Variants in RUFY2 observed in about 807,000 individuals in gnomAD.
RUFY2 encodes RUN and FYVE domain containing 2.
In RUFY2, 49 loss-of-function variants were observed where a neutral mutation model predicts 94.4. The ratio of observed to expected loss-of-function variants is 0.52; its 90% CI spans 0.41 to 0.66. RUFY2 has a LOEUF of 0.66. RUFY2 is among the 30% of genes least tolerant of loss of function. RUFY2 has a pLI of 0.00. For missense variants in RUFY2, 541 were observed against 692.8 expected (o/e 0.78, Z 2.46); for synonymous variants, 255 against 235.7 (o/e 1.08, Z -0.75).
rs931786110 is a variant in RUFY2, at chr10:68,343,987, A to G, written c.*1781T>C. 1 of 152,084 alleles carries G rather than the reference A, an allele frequency of 6.6e-6. No homozygotes were observed. Among genetic ancestry groups the G allele is most frequent in the Non-Finnish European group, 1.5e-5 (1 of 68,014 alleles). 9.4% of individuals were successfully genotyped at this position (152,084 alleles called of 1,614,324 possible). A position where few individuals can be genotyped will look rare whatever the true frequency, so the allele number is the denominator to read the frequency against. On this transcript the variant is annotated 3_prime_UTR_variant, in exon 18 of 18. Transcript: ENST00000602465. ...GTTCTAAGCACAGTAATAAAAAAGC[A>G]TATTTGAAAATTTCATTTTTTGTTT...
chr10:68,351,855 G>C (rs530909442), intron 16 of RUFY2, among the ~76,000 whole-genome samples: 6 of 151,394 alleles, frequency 4.0e-5, no homozygotes, highest in Non-Finnish European at 8.8e-5. Flanking sequence ...TCAGGAGTTC[G>C]AGACCAGCTT....
chr10:68,406,672 C>T, intron 1 of RUFY2: 2 of 1,312,140 alleles, frequency 1.5e-6, no homozygotes, highest in South Asian at 1.5e-5. Flanking sequence ...GAGCCCCTTC[C>T]CTGCCTCTCT....
intron 16 of RUFY2, chr10:68,346,534 A>T (rs974763084): frequency 6.5e-6 from 1 of 152,910 alleles, no homozygotes; most frequent in Non-Finnish European, 1.5e-5. Context: ...AGAACATATA[A>T]CATGTAAAAA....
chr10:68,392,630 C>T (rs1053453513), intron 7 of RUFY2, among the ~76,000 whole-genome samples: 2 of 151,748 alleles, frequency 1.3e-5, no homozygotes, highest in Non-Finnish European at 2.9e-5. Flanking sequence ...GTATTAAAAA[C>T]CTGACTCTCG....
intron 13 of RUFY2, among the ~76,000 whole-genome samples, chr10:68,367,865 G>C (rs1379489974): frequency 6.6e-6 from 1 of 151,746 alleles, no homozygotes; most frequent in East Asian, 1.9e-4. Flanking sequence ...CTCCTAAAGT[G>C]CTGGGATTAC....
At chr10:68,341,841 G>A, downstream of RUFY2, 1 of 1,610,354 alleles carries the variant, frequency 6.2e-7, no homozygotes, top group Non-Finnish European at 8.5e-7. Context: ...CTGATGGTTT[G>A]GGTGGTTATG....
intron 15 of RUFY2, among the ~76,000 whole-genome samples, chr10:68,356,751 G>A (rs887533908): frequency 1.3e-5 from 2 of 151,314 alleles, no homozygotes; most frequent in Non-Finnish European, 2.9e-5. Context: ...GTTTCACCAC[G>A]TTGGCCAGGC....
At chr10:68,363,449 G>A in intron 15 of RUFY2, 141 bp downstream of exon 15, 1 of 508,374 alleles carries the variant, frequency 2.0e-6, no homozygotes, top group Non-Finnish European at 3.4e-6. Flanking sequence ...CAAAGTGCGG[G>A]GATTACAGGC....
At chr10:68,385,269 A>C (rs963943898) in intron 8 of RUFY2, among the ~76,000 whole-genome samples, 5 of 150,714 alleles carry the variant, frequency 3.3e-5, no homozygotes, top group African/African-American at 9.8e-5. Context: ...ATCTCAAAAA[A>C]AAAAAAAATT....
chr10:68,355,277 T>C, intron 16 of RUFY2, 76 bp downstream of exon 16: 1 of 1,044,808 alleles, frequency 9.6e-7, no homozygotes, highest in South Asian at 1.3e-5. Flanking sequence ...TAATAATACA[T>C]TAGATTCACA....
At chr10:68,382,331 C>T (rs1021482621) in intron 10 of RUFY2, among the ~76,000 whole-genome samples, 1 of 151,564 alleles carries the variant, frequency 6.6e-6, no homozygotes, top group Non-Finnish European at 1.5e-5. Flanking sequence ...GCTGGGATTA[C>T]AGGCGTGAGC....
chr10:68,370,633 C>T (rs1199974475), intron 13 of RUFY2, among the ~76,000 whole-genome samples: 1 of 151,660 alleles, frequency 6.6e-6, no homozygotes, highest in East Asian at 1.9e-4. Context: ...GCCTGGCCGA[C>T]AGCAAGACCC....
chr10:68,369,576 T>TTAACAGGTTAATGGAC (rs1333467580), intron 13 of RUFY2, among the ~76,000 whole-genome samples: 1 of 151,570 alleles, frequency 6.6e-6, no homozygotes, highest in Non-Finnish European at 1.5e-5. Context: ...CATGAATGAA[T>TTAACAGGTTAATGGAC]TAACAGGTTA....
chr10:68,343,831 AAAGC>A lies in RUFY2; in HGVS notation c.*1933_*1936del, dbSNP rs1312068541. Reference sequence around the variant, plus strand: ...CCTAAAAAAAAAAAAAAAAAAAAAAAAAGCAAGTCAGTCAGTGTTGATACATGAG... The same window carrying A: ...CCTAAAAAAAAAAAAAAAAAAAAAAAAAGTCAGTCAGTGTTGATACATGAG... On this transcript the variant is annotated 3_prime_UTR_variant, in exon 18 of 18. Transcript: ENST00000602465. The A allele has an allele frequency of 6.2e-5, 9 of 144,560 alleles. No individual in the cohort carries two copies. The highest frequency in any genetic ancestry group is 4.2e-4 in the East Asian group (2 of 4,760). The allele number at this position is 144,560 out of a possible 1,614,324, so 9.0% of individuals were successfully genotyped here. A position where few individuals can be genotyped will look rare whatever the true frequency, so the allele number is the denominator to read the frequency against.
downstream of RUFY2, chr10:68,341,938 A>G (rs1040836669): frequency 1.5e-5 from 24 of 1,601,528 alleles, 1 homozygote; most frequent in South Asian, 3.3e-5. Context: ...TTTTATGCAG[A>G]TATCTCCTGC....
chr10:68,389,194 C>T (rs190018212), intron 7 of RUFY2, among the ~76,000 whole-genome samples: 11 of 152,258 alleles, frequency 7.2e-5, no homozygotes, highest in African/African-American at 1.7e-4. Flanking sequence ...CCACTGAGCC[C>T]GGTGCAATGA....
chr10:68,363,730 C>T, intron 14 of RUFY2, 46 bp from the exon 15 acceptor site: 3 of 1,226,314 alleles, frequency 2.4e-6, no homozygotes, highest in South Asian at 1.4e-5. Flanking sequence ...AAGAAAGAAA[C>T]AAGAAACTCC....
intron 12 of RUFY2, chr10:68,377,939 A>T (rs2048778740): frequency 1.0e-6 from 1 of 985,392 alleles, no homozygotes; most frequent in South Asian, 4.7e-5. Flanking sequence ...GGAGAGTAAC[A>T]TTTAAGTTAT....
chr10:68,341,559 T>G (rs754642956), downstream of RUFY2: 5 of 1,445,714 alleles, frequency 3.5e-6, no homozygotes, highest in Non-Finnish European at 3.8e-6. Flanking sequence ...CTTTCTCCCC[T>G]GTTACTCTTT....
Sources: allele counts gnomAD v4.1 joint callset (sites outside exome capture counted in the v4.1 genomes callset), GRCh38; gene constraint gnomAD v4.1.1; transcripts MANE v1.5; gene names NCBI Gene and HGNC (gene_info 2026-07-23, HGNC 2026-07-21).